The following ACADM variants were observed in gnomAD, a reference collection of about 807,000 sequenced individuals.
ACADM encodes the protein acyl-CoA dehydrogenase medium chain.
In ACADM, 49 loss-of-function variants were observed where a neutral mutation model predicts 58.9. The observed-to-expected ratio is 0.83, with a 90% CI of 0.66 to 1.06. ACADM has a LOEUF of 1.06. ACADM is among the 50% of genes least tolerant of loss of function. The probability of loss-of-function intolerance (pLI) is 0.00; values close to 1 mark genes in which losing one functional copy is unlikely to be tolerated. For synonymous variants in ACADM, 160 were observed against 157.7 expected, an observed-to-expected ratio of 1.01 and a Z score of -0.11; for missense variants, 496 against 507.0, an observed-to-expected ratio of 0.98 and a Z score of 0.21.
intron 11 of ACADM, chr1:75,761,574 T>TA (rs988721029): frequency 4.1e-5 from 25 of 609,778 alleles, no homozygotes; most frequent in South Asian, 1.6e-4. Flanking sequence ...GAGAATAGGC[T>TA]AAAAAAAATG....
intron 4 of ACADM, 85 bp from the exon 5 acceptor site, chr1:75,733,443 A>G (rs1191902174): frequency 8.9e-6 from 12 of 1,351,444 alleles, no homozygotes; most frequent in East Asian, 2.3e-5. Flanking sequence ...TTTTGGTCAT[A>G]TTGAAAGCAA....
chr1:75,726,022 A>C (rs1191208139), intron 1 of ACADM, among the ~76,000 whole-genome samples: 2 of 152,206 alleles, frequency 1.3e-5, no homozygotes, highest in African/African-American at 2.4e-5. Context: ...GTTGATGGGC[A>C]TTGTATTCTG....
At chr1:75,732,961 G>A (rs1647173317) in intron 4 of ACADM, 39 bp downstream of exon 4, 1 of 1,612,922 alleles carries the variant, frequency 6.2e-7, no homozygotes, top group Non-Finnish European at 8.5e-7. Flanking sequence ...GAATGCATAT[G>A]AGTAAGAAAA....
intron 1 of ACADM, among the ~76,000 whole-genome samples, chr1:75,726,947 G>C (rs968875479): frequency 6.6e-6 from 1 of 151,872 alleles, no homozygotes; most frequent in African/African-American, 2.4e-5. Flanking sequence ...TGGGACTACA[G>C]GTGCGTGCCA....
intron 1 of ACADM, among the ~76,000 whole-genome samples, chr1:75,727,835 A>T (rs1647079821): frequency 6.6e-6 from 1 of 152,176 alleles, no homozygotes; most frequent in African/African-American, 2.4e-5. Context: ...CTTGCTCAGA[A>T]CATTGTAAGA....
At chr1:75,744,444 T>C in intron 7 of ACADM, 1 of 1,521,240 alleles carries the variant, frequency 6.6e-7, no homozygotes, top group Middle Eastern at 1.7e-4. Flanking sequence ...CCTGCACCAA[T>C]GTCTTGTCAG....
chr1:75,730,870 A>G (rs1299987447), intron 2 of ACADM, among the ~76,000 whole-genome samples: 1 of 152,116 alleles, frequency 6.6e-6, no homozygotes. Flanking sequence ...ATCAACTGGC[A>G]CCAATCTTAG....
At chr1:75,729,857 C>G (rs1313071) in intron 2 of ACADM, among the ~76,000 whole-genome samples, 54,451 of 146,272 alleles carry the variant, frequency 0.37, 11,068 homozygotes, top group African/African-American at 0.55. Context: ...TTTTCAAGCA[C>G]TGTGAGGATA....
intron 6 of ACADM, among the ~76,000 whole-genome samples, chr1:75,736,678 G>C (rs1444045596): frequency 6.6e-6 from 1 of 152,120 alleles, no homozygotes; most frequent in African/African-American, 2.4e-5. Context: ...TCCACAGTTG[G>C]TTAAATTCCA....
intron 2 of ACADM, among the ~76,000 whole-genome samples, chr1:75,732,284 ATT>A (rs1224088555): frequency 6.6e-6 from 1 of 152,212 alleles, no homozygotes; most frequent in Non-Finnish European, 1.5e-5. Context: ...TGTCTTGTAT[ATT>A]AGTTTCACTT....
intron 10 of ACADM, among the ~76,000 whole-genome samples, chr1:75,752,437 G>T (rs530828533): frequency 6.6e-6 from 1 of 152,274 alleles, no homozygotes; most frequent in South Asian, 2.1e-4. Context: ...GTAACAGTTT[G>T]TGAATTGGCA....
At chr1:75,738,779 A>G (rs1224095689) in intron 6 of ACADM, among the ~76,000 whole-genome samples, 1 of 151,970 alleles carries the variant, frequency 6.6e-6, no homozygotes. Context: ...TAAGTACCTT[A>G]AGGGCAAGTA....
rs544040370 is a variant in ACADM, at chr1:75,757,055, A to T, written c.946-4067A>T. Among the ~76,000 whole-genome samples the T allele has an allele frequency of 9.2e-5, 14 of 152,344 alleles. 1 individual carries two copies. In the East Asian group the frequency reaches 1.9e-3, roughly 21 times the overall value. ...CCTTCCTTACCTTATATAAAAATTA[A>T]TTCAAGATGGATTAAAGACTTAAAT... On this transcript the variant is annotated intron_variant, in intron 10 of 11. Transcript: ENST00000370841.
intron 4 of ACADM, 48 bp from the exon 5 acceptor site, chr1:75,733,480 T>A: frequency 6.7e-7 from 1 of 1,493,196 alleles, no homozygotes; most frequent in Non-Finnish European, 9.3e-7. Flanking sequence ...TTATTTCTAT[T>A]GTGATGTACT....
At chr1:75,736,889 C>G (rs1407895365) in intron 6 of ACADM, among the ~76,000 whole-genome samples, 1 of 152,010 alleles carries the variant, frequency 6.6e-6, no homozygotes, top group Non-Finnish European at 1.5e-5. Context: ...GTGTTTTTAA[C>G]AGTTAGCCCC....
intron 7 of ACADM, among the ~76,000 whole-genome samples, chr1:75,741,787 A>G (rs550603161): frequency 6.6e-6 from 1 of 152,354 alleles, no homozygotes; most frequent in African/African-American, 2.4e-5. Context: ...TTAGGGAAGA[A>G]TATACCTTTT....
intron 8 of ACADM, 113 bp downstream of exon 8, chr1:75,746,027 T>G (rs1570887233): frequency 1.3e-6 from 1 of 780,848 alleles, no homozygotes; most frequent in East Asian, 2.7e-5. Flanking sequence ...GGAGTAAAAA[T>G]AAAGCTATGT....
At chr1:75,731,776 G>A (rs1647153058) in intron 2 of ACADM, among the ~76,000 whole-genome samples, 1 of 151,818 alleles carries the variant, frequency 6.6e-6, no homozygotes, top group Non-Finnish European at 1.5e-5. Context: ...TGTAATCCCA[G>A]CACTTTAGGA....
chr1:75,739,010 T>G (rs1647422957), intron 6 of ACADM, among the ~76,000 whole-genome samples: 1 of 152,212 alleles, frequency 6.6e-6, no homozygotes, highest in Non-Finnish European at 1.5e-5. Context: ...TCCAGACTCA[T>G]GTCTTACCAT....
Sources: allele counts gnomAD v4.1 joint callset (sites outside exome capture counted in the v4.1 genomes callset), GRCh38; gene constraint gnomAD v4.1.1; transcripts MANE v1.5; gene names NCBI Gene and HGNC (gene_info 2026-07-23, HGNC 2026-07-21).